Variants in KDM6B observed in about 807,000 individuals in gnomAD.
KDM6B encodes the protein lysine demethylase 6B.
Under a neutral mutation model 150.4 loss-of-function variants are expected in KDM6B, and 22 were observed. That is an observed-to-expected ratio of 0.15 (90% CI 0.10 to 0.21). The LOEUF (loss-of-function observed/expected upper bound fraction) is 0.21. Among genes scored for constraint, KDM6B ranks in the 10% least tolerant of loss-of-function variants. The probability of loss-of-function intolerance (pLI) is 1.00; values close to 1 mark genes in which losing one functional copy is unlikely to be tolerated. For missense variants in KDM6B, 1,984 were observed against 2,234.3 expected, an observed-to-expected ratio of 0.89 and a Z score of 2.26; for synonymous variants, 1,148 against 921.1, an observed-to-expected ratio of 1.25 and a Z score of -4.46.
rs1381652488 is a variant in KDM6B, at chr17:7,844,056, G to GGCC, written c.-268-845_-268-844insGCC. ...GGCCCCGCCCTCCTCCCTCCCTCAG[G>GGCC]ACCCCCCCCCCCGCAGTACATTTAC... On this transcript the variant is annotated intron_variant, in intron 2 of 23. Coordinates refer to ENST00000448097, the MANE Select transcript of KDM6B (RefSeq NM_001348716.2). This position sits in a 1 kb window ranked among gnomAD's most constrained non-coding sequence, Gnocchi z 5.9. 1.8e-5 allele frequency among the ~76,000 whole-genome samples: 2 copies of GGCC among 108,496 alleles called. No individual in the cohort carries two copies. The highest frequency in any genetic ancestry group is 3.9e-5 in the Non-Finnish European group (2 of 51,840). 71.2% of individuals were successfully genotyped at this position (108,496 alleles called of 152,430 possible).
At chr17:7,846,371 G>GGGGGGGGCCCGGGGGC in intron 7 of KDM6B, 29 bp from the exon 8 acceptor site, 1 of 1,488,922 alleles carries the variant, frequency 6.7e-7, no homozygotes. Context: ...CCTGACATCT[G>GGGGGGGGCCCGGGGGC]CCCCTGCCCC....
At position 7,847,682 on chromosome 17, in the gene KDM6B, C is replaced by G. The variant is rs552244640; in HGVS notation, c.1394C>G (p.Pro465Arg). 2 of 1,587,340 alleles carry G rather than the reference C, an allele frequency of 1.3e-6. No homozygotes were observed. Among genetic ancestry groups the G allele is most frequent in the Non-Finnish European group, 1.7e-6 (2 of 1,166,658 alleles). The change falls in exon 12 of 24, where the codon CCT (proline) becomes CGT (arginine). Residue 465 changes from proline (P) to arginine (R), a missense_variant. This residue lies in a region of KDM6B where 1,379 missense variants were observed against 1,275.6 expected (regional missense o/e 1.08). Transcript: ENST00000448097. The stretch of plus-strand genomic sequence containing the variant: ...CCCCACCTATCCCTGCCACCTGGAC[C>G]TTCCTCACCCCCTCCACCCCCCTGT... ...ATPHLSLPPG[P>R]SSPPPPPCPR...
Position 7,844,112 on chromosome 17 carries a change from G to A in KDM6B, c.-268-789G>A, listed in dbSNP as rs1244176563. 7.7e-6 allele frequency: 1 copy of A among 129,754 alleles called. No homozygotes were observed. The highest frequency in any genetic ancestry group is 1.6e-5 in the Non-Finnish European group (1 of 63,240). The allele number at this position is 129,754 out of a possible 1,614,324, so 8.0% of individuals were successfully genotyped here. A position where few individuals can be genotyped will look rare whatever the true frequency, so the allele number is the denominator to read the frequency against. On this transcript the variant is annotated intron_variant, in intron 2 of 23. Transcript: ENST00000448097. This position sits in a 1 kb window ranked among gnomAD's most constrained non-coding sequence, Gnocchi z 5.9. ...CCGCTTCCGCTGCGCAAGTAGCCACGTCACGGGCAACCCCCGAAATCCCCC... is the reference window on the plus strand; with the variant it reads ...CCGCTTCCGCTGCGCAAGTAGCCACATCACGGGCAACCCCCGAAATCCCCC...
Position 7,849,593 on chromosome 17 carries a change from A to T in KDM6B, c.3305A>T (p.Glu1102Val). The T allele has an allele frequency of 6.2e-7, 1 of 1,612,570 alleles. No individual in the cohort carries two copies. Reference protein sequence around the residue: ...LRSLSEGPPKELKIRLIKVES... With the variant: ...LRSLSEGPPKVLKIRLIKVES... The stretch of plus-strand genomic sequence containing the variant: ...TCACTTAGTGAGGGGCCCCCCAAGG[A>T]GCTGAAGATCCGGCTCATCAAGGTA... Residue 1102 changes from glutamate (E) to valine (V), a missense_variant, in exon 12 of 24, where the codon GAG (glutamate) becomes GTG (valine). Glu to Val is a moderately radical substitution (Grantham distance 121). Coordinates refer to ENST00000448097, the MANE Select transcript of KDM6B (RefSeq NM_001348716.2).
intron 21 of KDM6B, 146 bp downstream of exon 21, chr17:7,852,782 T>C: frequency 1.5e-6 from 2 of 1,318,240 alleles, no homozygotes. Flanking sequence ...GCTAACTAGG[T>C]CCTTGCTGTC....
In KDM6B at chr17:7,849,208, C is replaced by T. The variant is rs774377577; in HGVS notation, c.2920C>T (p.Arg974Trp). 9.4e-6 allele frequency: 15 copies of T among 1,597,390 alleles called. No individual in the cohort carries two copies. The highest frequency in any genetic ancestry group is 1.7e-4 in the Middle Eastern group (1 of 6,056). The stretch of plus-strand genomic sequence containing the variant: ...GGCGGCAGTGTCAGGCAGCTGTAAG[C>T]GGCGACAGAAGGAGCATCAGAAGGA... ...GVAAVSGSCKRRQKEHQKEHR... is the reference protein window; with the variant it reads ...GVAAVSGSCKWRQKEHQKEHR... Residue 974 changes from arginine to tryptophan, a missense_variant, in exon 12 of 24, where the codon CGG (arginine) becomes TGG (tryptophan). Physicochemically the swap from Arg to Trp is moderately radical, Grantham distance 101 (BLOSUM62 -3). Transcript: ENST00000448097.
chr17:7,853,402 G>A, intron 23 of KDM6B, 22 bp downstream of exon 23: 1 of 1,535,192 alleles, frequency 6.5e-7, no homozygotes, highest in Non-Finnish European at 8.7e-7. Flanking sequence ...GCGGGCGCGC[G>A]GGCAGCGGAG....
chr17:7,842,453 C>G (rs1226998353), intron 2 of KDM6B, among the ~76,000 whole-genome samples: 2 of 152,238 alleles, frequency 1.3e-5, no homozygotes. Context: ...GTGCGTCTAC[C>G]TCTCGCCTGT....
At chr17:7,847,038 T>A (rs2078562927) in intron 10 of KDM6B, 22 bp downstream of exon 10, 2 of 1,612,188 alleles carry the variant, frequency 1.2e-6, no homozygotes, top group East Asian at 2.2e-5. Flanking sequence ...CCTGTTGCCT[T>A]TCACCTCTCA....
chr17:7,851,622 C>T (rs767839991), intron 17 of KDM6B, 26 bp from the exon 18 acceptor site: 5 of 1,600,668 alleles, frequency 3.1e-6, no homozygotes, highest in Middle Eastern at 1.6e-4. Context: ...CGGGGTGTAG[C>T]CTCTCGTCGC....
At chr17:7,842,630 G>A (rs993206293) in intron 2 of KDM6B, among the ~76,000 whole-genome samples, 1 of 152,198 alleles carries the variant, frequency 6.6e-6, no homozygotes, top group Non-Finnish European at 1.5e-5. Flanking sequence ...CAAGCGCCGC[G>A]TCGGGGCTGC....
At chr17:7,835,902 C>T (rs1304802219) in intron 1 of KDM6B, among the ~76,000 whole-genome samples, 2 of 152,192 alleles carry the variant, frequency 1.3e-5, no homozygotes, top group African/African-American at 4.8e-5. Flanking sequence ...TGCACCGTTT[C>T]GCCGGTCGCG....
intron 7 of KDM6B, 29 bp from the exon 8 acceptor site, chr17:7,846,371 G>GGGCCGGGCCCGGGGGCCCCC: frequency 6.7e-7 from 1 of 1,488,922 alleles, no homozygotes; most frequent in Non-Finnish European, 9.2e-7. Flanking sequence ...CCTGACATCT[G>GGGCCGGGCCCGGGGGCCCCC]CCCCTGCCCC....
At position 7,843,053 on chromosome 17, in the gene KDM6B, A is replaced by G. The variant is rs2078450285; in HGVS notation, c.-268-1848A>G. Among the ~76,000 whole-genome samples, 2 of 151,880 alleles carry G rather than the reference A, an allele frequency of 1.3e-5. No individual in the cohort carries two copies. Among genetic ancestry groups the G allele is most frequent in the Admixed American group, 1.3e-4 (2 of 15,262 alleles). ...GGTGGAAGAGCAGGGAGCTGGAGGG[A>G]CGGCACTCACTGACTTAGGGAAAGC... is the stretch of plus-strand genomic sequence containing the variant. On this transcript the variant is annotated intron_variant, in intron 2 of 23. Transcript: ENST00000448097. This position sits in a 1 kb window ranked among gnomAD's most constrained non-coding sequence, Gnocchi z 4.5.
In KDM6B at chr17:7,844,920, C is replaced by T. The variant is rs1377477379; in HGVS notation, c.-249C>T. Reference sequence around the variant, plus strand: ...GGCCAGGCTGTTACTGAGGCGGAGACACGGGTGATGATTGGCTTTCTGGGG... The same window carrying T: ...GGCCAGGCTGTTACTGAGGCGGAGATACGGGTGATGATTGGCTTTCTGGGG... On this transcript the variant is annotated 5_prime_UTR_variant, in exon 3 of 24. Coordinates refer to ENST00000448097, the MANE Select transcript of KDM6B (RefSeq NM_001348716.2). The surrounding 1 kb of genome is among the most constrained non-coding windows in gnomAD (Gnocchi z 5.9). 1 of 165,872 alleles carries T rather than the reference C, an allele frequency of 6.0e-6. No individual in the cohort carries two copies. Among genetic ancestry groups the T allele is most frequent in the Non-Finnish European group, 1.3e-5 (1 of 74,266 alleles). The allele number at this position is 165,872 out of a possible 1,614,324, so 10.3% of individuals were successfully genotyped here.
At position 7,848,005 on chromosome 17, in the gene KDM6B, C is replaced by T. The variant is rs369474955; in HGVS notation, c.1717C>T (p.Pro573Ser). Reference protein sequence around the residue: ...SSPAGPVSFPPPPYLARSIDP... With the variant: ...SSPAGPVSFPSPPYLARSIDP... ...CCCTGCTGGGCCTGTGTCCTTTCCCCCACCACCCTATCTGGCCAGAAGTAT... is the reference window on the plus strand; with the variant it reads ...CCCTGCTGGGCCTGTGTCCTTTCCCTCACCACCCTATCTGGCCAGAAGTAT... The change falls in exon 12 of 24, where the codon CCA becomes TCA. Residue 573 changes from proline (P) to serine (S), a missense_variant. Pro to Ser is a moderately conservative substitution (Grantham distance 74). Transcript: ENST00000448097. 7 of 1,612,856 alleles carry T rather than the reference C, an allele frequency of 4.3e-6. No individual in the cohort carries two copies. Among genetic ancestry groups the T allele is most frequent in the Non-Finnish European group, 5.9e-6 (7 of 1,179,744 alleles).
At chr17:7,842,228 G>C (rs1291119586) in intron 2 of KDM6B, among the ~76,000 whole-genome samples, 1 of 152,192 alleles carries the variant, frequency 6.6e-6, no homozygotes, top group Non-Finnish European at 1.5e-5. Context: ...CGGGGGCGGG[G>C]GGTAGGGGGT....
In KDM6B at chr17:7,845,454, C is replaced by G; in HGVS notation, c.-8C>G. On this transcript the variant is annotated splice_region_variant and 5_prime_UTR_variant, in exon 4 of 24. Coordinates refer to ENST00000448097, the MANE Select transcript of KDM6B (RefSeq NM_001348716.2). ...CAGGGCTCCTGGGGCCACTGCTGAC[C>G]TGGTAAGGGAAACTCTGGGGCCGAG... 6.8e-7 allele frequency: 1 copy of G among 1,478,148 alleles called. No homozygotes were observed. Among genetic ancestry groups the G allele is most frequent in the Non-Finnish European group, 9.5e-7 (1 of 1,058,014 alleles). The allele number at this position is 1,478,148 out of a possible 1,614,324, so 91.6% of individuals were successfully genotyped here.
At position 7,847,144 on chromosome 17, in the gene KDM6B, G is replaced by T; in HGVS notation, c.949G>T (p.Ala317Ser). Residue 317 changes from alanine (A) to serine (S), a missense_variant, in exon 11 of 24, where the codon GCT becomes TCT. Ala to Ser is a moderately conservative substitution (Grantham distance 99). Transcript: ENST00000448097. ...HSLPHPYPYP[A>S]PAYTAHPPGH... ...GCTGCCTCACCCATATCCATACCCAGCTCCAGCGTACACCGCGCACCCCCC... is the reference window on the plus strand; with the variant it reads ...GCTGCCTCACCCATATCCATACCCATCTCCAGCGTACACCGCGCACCCCCC... 1 of 1,609,280 alleles carries T rather than the reference G, an allele frequency of 6.2e-7. No homozygotes were observed.
Sources: gnomAD v4.1 joint callset for allele counts (sites outside exome capture counted in the v4.1 genomes callset) on GRCh38, gnomAD v4.1.1 for gene constraint, gnomAD v4.1.1 regional missense constraint, Gnocchi (gnomAD v3.1) non-coding constraint, MANE v1.5 for transcripts, NCBI Gene and HGNC (gene_info 2026-07-23, HGNC 2026-07-21) for gene names.